Variants in PCLO observed in about 807,000 individuals in gnomAD.
PCLO encodes piccolo presynaptic cytomatrix protein, also known as protein piccolo.
A neutral mutation model predicts 427.5 loss-of-function variants in PCLO; 82 were observed. That is an observed-to-expected ratio of 0.19 (90% confidence interval 0.16 to 0.23). The LOEUF (loss-of-function observed/expected upper bound fraction) is 0.23, where lower values mean the gene tolerates loss of function less well. Among genes scored for constraint, PCLO ranks in the 10% least tolerant of loss-of-function variants. PCLO has a pLI of 1.00. For missense variants in PCLO, 6,239 were observed against 6,115.9 expected (o/e 1.02, Z -0.67); for synonymous variants, 2,357 against 2,155.4 (o/e 1.09, Z -2.59).
At chr7:83,048,879 T>C (rs2116249855) in intron 3 of PCLO, among the ~76,000 whole-genome samples, 1 of 152,306 alleles carries the variant, frequency 6.6e-6, no homozygotes, top group Admixed American at 6.5e-5. Context: ...ATACACTTAC[T>C]TGGCTATTTA....
At chr7:82,827,171 A>C in intron 17 of PCLO, among the ~76,000 whole-genome samples, 1 of 152,090 alleles carries the variant, frequency 6.6e-6, no homozygotes, top group East Asian at 1.9e-4. Context: ...AGACAAATTA[A>C]GAATCTCATT....
intron 20 of PCLO, among the ~76,000 whole-genome samples, chr7:82,813,087 A>T (rs1345409359): frequency 6.6e-6 from 1 of 151,774 alleles, no homozygotes; most frequent in Non-Finnish European, 1.5e-5. Flanking sequence ...ATGGAATCCG[A>T]ACATTTTGAA....
At chr7:82,835,326 G>A (rs187450189) in intron 16 of PCLO, among the ~76,000 whole-genome samples, 103 of 152,180 alleles carry the variant, frequency 6.8e-4, no homozygotes, top group Non-Finnish European at 1.2e-3. Flanking sequence ...TAGAAGACTC[G>A]AGAACTTAAA....
chr7:82,821,553 C>T, intron 20 of PCLO: 1 of 976,736 alleles, frequency 1.0e-6, no homozygotes, highest in Non-Finnish European at 1.2e-6. Context: ...TAACAGGGTA[C>T]CTACATTTGT....
chr7:83,080,306 C>G (rs1790065456), intron 3 of PCLO, among the ~76,000 whole-genome samples: 1 of 152,132 alleles, frequency 6.6e-6, no homozygotes, highest in African/African-American at 2.4e-5. Flanking sequence ...CACTGTCTTC[C>G]ACAATGGTTG....
chr7:82,867,931 A>G (rs1224588773), intron 10 of PCLO, among the ~76,000 whole-genome samples: 1 of 152,150 alleles, frequency 6.6e-6, no homozygotes, highest in Admixed American at 6.6e-5. Context: ...AAAATAATAT[A>G]TTAGAACCTA....
rs751600214 is a variant in PCLO, at chr7:82,834,848, C to T, written c.14249+819G>A. Among the ~76,000 whole-genome samples the T allele has an allele frequency of 3.9e-5, 6 of 152,174 alleles. 1 individual carries two copies. Among genetic ancestry groups the T allele is most frequent in the African/African-American group, 1.2e-4 (5 of 41,456 alleles). On this transcript the variant is annotated intron_variant, in intron 16 of 24. Transcript: ENST00000333891. ...ACAGCAAGCCAATTATGGCATCCTACATTGCATAGCAGAAATTTTGTGGGG... is the reference window on the plus strand; with the variant it reads ...ACAGCAAGCCAATTATGGCATCCTATATTGCATAGCAGAAATTTTGTGGGG...
At chr7:83,121,265 T>C (rs988545092) in intron 3 of PCLO, among the ~76,000 whole-genome samples, 2 of 152,254 alleles carry the variant, frequency 1.3e-5, no homozygotes, top group East Asian at 3.9e-4. Context: ...TAGTTTTCCA[T>C]TTGCTTGTTT....
At position 83,156,157 on chromosome 7, in the gene PCLO, C is replaced by A; in HGVS notation, c.484G>T (p.Ala162Ser). Residue 162 changes from alanine (A) to serine (S), a missense_variant, in exon 2 of 25, where the codon GCT becomes TCT. By Grantham distance (99) the Ala-to-Ser change is moderately conservative. Coordinates refer to ENST00000333891, the MANE Select transcript of PCLO (RefSeq NM_033026.6). Reference protein sequence around the residue: ...MMPGFLSEVNALSAVSSVVNK... With the variant: ...MMPGFLSEVNSLSAVSSVVNK... The stretch of plus-strand genomic sequence containing the variant: ...ACAACAGAGGAAACAGCACTTAAAG[C>A]GTTAACCTCTGAGAGGAAGCCAGGC... 4 of 1,613,568 alleles carry A rather than the reference C, an allele frequency of 2.5e-6. No homozygotes were observed. Among genetic ancestry groups the A allele is most frequent in the Non-Finnish European group, 3.4e-6 (4 of 1,179,704 alleles).
intron 9 of PCLO, among the ~76,000 whole-genome samples, chr7:82,890,548 C>A (rs1793733468): frequency 1.3e-5 from 2 of 151,590 alleles, no homozygotes; most frequent in African/African-American, 4.8e-5. Context: ...TTCTGTTAGT[C>A]CACATTATTT....
chr7:83,040,528 A>G (rs1206193797), intron 3 of PCLO, among the ~76,000 whole-genome samples: 2 of 152,140 alleles, frequency 1.3e-5, no homozygotes, highest in African/African-American at 4.8e-5. Flanking sequence ...GTTCCCAAGG[A>G]CAATGTTTAA....
At chr7:83,095,412 T>C (rs1257165410) in intron 3 of PCLO, among the ~76,000 whole-genome samples, 2 of 151,986 alleles carry the variant, frequency 1.3e-5, no homozygotes, top group Non-Finnish European at 2.9e-5. Flanking sequence ...TCTCTACTTT[T>C]TTCTGTTATC....
At chr7:82,773,351 T>A (rs1020240153) in intron 22 of PCLO, among the ~76,000 whole-genome samples, 1 of 152,174 alleles carries the variant, frequency 6.6e-6, no homozygotes, top group African/African-American at 2.4e-5. Flanking sequence ...GAGTGGATGG[T>A]GGTGACCCTG....
At chr7:82,804,933 A>T (rs1018749069) in intron 21 of PCLO, among the ~76,000 whole-genome samples, 1 of 152,162 alleles carries the variant, frequency 6.6e-6, no homozygotes, top group Non-Finnish European at 1.5e-5. Flanking sequence ...CCAGAAGACT[A>T]GTTAATGGGC....
intron 2 of PCLO, among the ~76,000 whole-genome samples, chr7:83,147,069 A>T (rs769092008): frequency 5.0e-4 from 57 of 114,562 alleles, no homozygotes; most frequent in Admixed American, 1.5e-3. Context: ...AAAAAAAAAT[A>T]AAAAAAAAAA....
chr7:83,079,217 A>C lies in PCLO; in HGVS notation c.3300+55033T>G, dbSNP rs1179624926. The stretch of plus-strand genomic sequence containing the variant: ...CATCACATGAATACCAATACATGCA[A>C]CAGCAATATATTCAACACAATTGTT... On this transcript the variant is annotated intron_variant, in intron 3 of 24. Transcript: ENST00000333891. Among the ~76,000 whole-genome samples the C allele has an allele frequency of 2.0e-5, 3 of 152,164 alleles. No individual in the cohort carries two copies. The East Asian group carries it at 5.8e-4, about 29-fold the overall frequency.
chr7:83,035,556 G>C (rs1788773825), intron 3 of PCLO, among the ~76,000 whole-genome samples: 1 of 152,030 alleles, frequency 6.6e-6, no homozygotes, highest in Non-Finnish European at 1.5e-5. Flanking sequence ...ATGTCCATTA[G>C]AAACTCATTT....
At chr7:82,867,092 T>A (rs991302785) in intron 10 of PCLO, among the ~76,000 whole-genome samples, 1 of 152,078 alleles carries the variant, frequency 6.6e-6, no homozygotes, top group Non-Finnish European at 1.5e-5. Context: ...AAGACAAACA[T>A]CATTAATTTT....
intron 22 of PCLO, among the ~76,000 whole-genome samples, chr7:82,786,274 CAGG>C (rs1180211204): frequency 1.3e-5 from 2 of 152,230 alleles, no homozygotes; most frequent in Non-Finnish European, 2.9e-5. Flanking sequence ...ATATAAAATA[CAGG>C]AGGAGAAGAA....
Sources: allele counts gnomAD v4.1 joint callset (sites outside exome capture counted in the v4.1 genomes callset), GRCh38; gene constraint gnomAD v4.1.1; transcripts MANE v1.5; gene names NCBI Gene and HGNC (gene_info 2026-07-23, HGNC 2026-07-21).